PCDHA8: variants seen among roughly 807,000 people sequenced by gnomAD.
PCDHA8 encodes the protein protocadherin alpha-8.
Under a neutral mutation model 61.8 loss-of-function variants are expected in PCDHA8, and 53 were observed. The observed-to-expected ratio is 0.86, with a 90% CI of 0.69 to 1.08. The LOEUF is 1.08. Ranked by LOEUF, PCDHA8 falls within the 50% of genes least tolerant of loss-of-function variation. PCDHA8 has a pLI of 0.00. For missense variants in PCDHA8, 1,293 were observed against 1,245.0 expected, an observed-to-expected ratio of 1.04 and a Z score of -0.58; for synonymous variants, 618 against 556.6, an observed-to-expected ratio of 1.11 and a Z score of -1.55.
At position 140,848,667 on chromosome 5, in the gene PCDHA8, G is replaced by C; in HGVS notation, c.2394+4952G>C. 6.3e-7 allele frequency: 1 copy of C among 1,592,344 alleles called. No homozygotes were observed. On this transcript the variant is annotated intron_variant, in intron 1 of 3. Transcript: ENST00000531613. ...GCAGGACCTGGGGCTGGAGCTGGCG[G>C]AGCTGGTGCCGCGCCTGTTCCAGTT...
At chr5:140,882,041 A>G (rs1374444489) in intron 1 of PCDHA8, 9 of 677,522 alleles carry the variant, frequency 1.3e-5, no homozygotes, top group African/African-American at 1.3e-4. Context: ...ATGAAGACTG[A>G]GTCATACTTA....
intron 1 of PCDHA8, among the ~76,000 whole-genome samples, chr5:140,951,082 C>CT (rs573059224): frequency 1.2e-3 from 178 of 151,520 alleles, no homozygotes; most frequent in African/African-American, 4.1e-3. Context: ...TTATATTTTC[C>CT]TTTTTTTCTG....
At chr5:140,970,909 A>G (rs1356718314) in intron 1 of PCDHA8, among the ~76,000 whole-genome samples, 1 of 152,180 alleles carries the variant, frequency 6.6e-6, no homozygotes, top group African/African-American at 2.4e-5. Context: ...AGATTTATTC[A>G]TTTATCAGAA....
intron 1 of PCDHA8, among the ~76,000 whole-genome samples, chr5:140,947,315 C>CGGTT (rs1443576978): frequency 4.0e-5 from 6 of 151,444 alleles, no homozygotes; most frequent in African/African-American, 1.5e-4. Flanking sequence ...TGTAAAAAGT[C>CGGTT]GGTTGACCAT....
At chr5:140,895,130 G>A (rs1423440826) in intron 1 of PCDHA8, among the ~76,000 whole-genome samples, 11 of 152,232 alleles carry the variant, frequency 7.2e-5, no homozygotes, top group African/African-American at 2.6e-4. Flanking sequence ...TAGTTGACAA[G>A]TTCATAGGGC....
In PCDHA8 at chr5:140,869,220, C is replaced by T. The variant is rs184355295; in HGVS notation, c.2394+25505C>T. 1,109 of 1,613,836 alleles carry T rather than the reference C, an allele frequency of 6.9e-4. 5 individuals are homozygous for T. The African/African-American group carries it at 0.013, about 19-fold the overall frequency. On this transcript the variant is annotated intron_variant, in intron 1 of 3. Coordinates refer to ENST00000531613, the MANE Select transcript of PCDHA8 (RefSeq NM_018911.3). ...TCCACTACTCCGTCTCGGAGGAGGC[C>T]AAACACGGCACCTTCGTGGGCCGCA...
At chr5:140,896,706 T>C (rs188797791) in intron 1 of PCDHA8, among the ~76,000 whole-genome samples, 169 of 152,248 alleles carry the variant, frequency 1.1e-3, no homozygotes, top group East Asian at 5.2e-3. Context: ...AGGTTGTTTG[T>C]TTTTTGCTTG....
At chr5:140,920,662 G>A (rs2079759376) in intron 1 of PCDHA8, among the ~76,000 whole-genome samples, 1 of 152,044 alleles carries the variant, frequency 6.6e-6, no homozygotes, top group Admixed American at 6.6e-5. Context: ...TTGCCAACAT[G>A]GTGAAACCCC....
intron 1 of PCDHA8, chr5:140,867,037 T>C (rs1167495486): frequency 2.0e-5 from 3 of 152,162 alleles, no homozygotes; most frequent in African/African-American, 7.2e-5. Flanking sequence ...CTTTTATGAC[T>C]TGGCGTTTGT....
At position 140,841,206 on chromosome 5, in the gene PCDHA8, G is replaced by A. The variant is rs1278287433; in HGVS notation, c.-116G>A. On this transcript the variant is annotated 5_prime_UTR_variant, in exon 1 of 4. Transcript: ENST00000531613. Reference sequence around the variant, plus strand: ...CAAAGTCTTTTCTCTGACAGCATCTGTCTCTAAAGGCCGAACAACGGGAGA... The same window carrying A: ...CAAAGTCTTTTCTCTGACAGCATCTATCTCTAAAGGCCGAACAACGGGAGA... 13 of 1,350,372 alleles carry A rather than the reference G, an allele frequency of 9.6e-6. No homozygotes were observed. The highest frequency in any genetic ancestry group is 2.4e-5 in the Admixed American group (1 of 42,534). The allele number at this position is 1,350,372 out of a possible 1,614,324, so 83.6% of individuals were successfully genotyped here.
chr5:140,888,647 T>C (rs781796685), intron 1 of PCDHA8, among the ~76,000 whole-genome samples: 2 of 152,244 alleles, frequency 1.3e-5, no homozygotes, highest in African/African-American at 2.4e-5. Context: ...AATACTTTCC[T>C]GAGGACACCA....
At chr5:140,995,515 C>T (rs1476035141) in intron 3 of PCDHA8, among the ~76,000 whole-genome samples, 2 of 152,078 alleles carry the variant, frequency 1.3e-5, no homozygotes, top group East Asian at 1.9e-4. Context: ...TAACTGAAGC[C>T]TCAGAAATCA....
At chr5:140,918,940 A>G (rs541337613) in intron 1 of PCDHA8, among the ~76,000 whole-genome samples, 1 of 152,212 alleles carries the variant, frequency 6.6e-6, no homozygotes, top group Non-Finnish European at 1.5e-5. Context: ...TTTTGTTATA[A>G]TATCCTGAAC....
At chr5:140,883,130 G>C in intron 1 of PCDHA8, 1 of 1,614,062 alleles carries the variant, frequency 6.2e-7, no homozygotes, top group Non-Finnish European at 8.5e-7. Flanking sequence ...TGTATGGCCT[G>C]CAGTGGTATA....
intron 1 of PCDHA8, chr5:140,869,067 G>T (rs1220928735): frequency 6.4e-7 from 1 of 1,570,438 alleles, no homozygotes; most frequent in Non-Finnish European, 8.6e-7. Flanking sequence ...TACTGTAAGT[G>T]TAAAGAAGCT....
At chr5:140,927,946 G>T (rs1341193072) in intron 1 of PCDHA8, 1 of 1,614,096 alleles carries the variant, frequency 6.2e-7, no homozygotes, top group African/African-American at 1.3e-5. Context: ...AGTACCTGAG[G>T]ACGCTGCCCC....
At chr5:140,854,157 C>G in intron 1 of PCDHA8, 1 of 165,326 alleles carries the variant, frequency 6.0e-6, no homozygotes. Flanking sequence ...AAGATTCTGT[C>G]TCAAAAAAAA....
intron 3 of PCDHA8, among the ~76,000 whole-genome samples, chr5:140,994,520 T>C (rs2097631658): frequency 6.8e-6 from 1 of 147,840 alleles, no homozygotes; most frequent in African/African-American, 2.6e-5. Context: ...CTGGGCAACA[T>C]GGCAAAACCC....
intron 3 of PCDHA8, among the ~76,000 whole-genome samples, chr5:140,995,158 A>G (rs1554254485): frequency 6.6e-6 from 1 of 152,180 alleles, no homozygotes; most frequent in African/African-American, 2.4e-5. Flanking sequence ...TATATACATT[A>G]TGTTCTTTCA....
Sources: allele counts gnomAD v4.1 joint callset (sites outside exome capture counted in the v4.1 genomes callset), GRCh38; gene constraint gnomAD v4.1.1; transcripts MANE v1.5; gene names NCBI Gene and HGNC (gene_info 2026-07-23, HGNC 2026-07-21).